The following IKZF3 variants were observed in gnomAD, a reference collection of about 807,000 sequenced individuals.
The protein encoded by IKZF3 is IKAROS family zinc finger 3, also known as zinc finger protein Aiolos.
IKZF3 carries 10 observed loss-of-function variants against 49.0 expected under a neutral mutation model. That is an observed-to-expected ratio of 0.20 (90% confidence interval 0.13 to 0.35). The LOEUF (loss-of-function observed/expected upper bound fraction) is 0.35, where lower values mean the gene tolerates loss of function less well. Ranked by LOEUF, IKZF3 falls within the 10% of genes least tolerant of loss-of-function variation. The pLI, the probability that IKZF3 is intolerant of heterozygous loss-of-function variation, is 1.00. For synonymous variants in IKZF3, 209 were observed against 228.2 expected (o/e 0.92, Z 0.76); for missense variants, 498 against 664.8 (o/e 0.75, Z 2.76).
At chr17:39,837,662 G>A (rs1052322647) in intron 1 of IKZF3, among the ~76,000 whole-genome samples, 18 of 149,364 alleles carry the variant, frequency 1.2e-4, no homozygotes, top group African/African-American at 4.0e-4. Context: ...TTTTTGAGAC[G>A]GAGTCTCACT....
Position 39,858,564 on chromosome 17 carries a change from G to A in IKZF3, c.7+5556C>T, listed in dbSNP as rs542799412. On this transcript the variant is annotated intron_variant, in intron 1 of 7. Coordinates refer to ENST00000346872, the MANE Select transcript of IKZF3 (RefSeq NM_012481.5). ...CTCACACTGTCACCCAGGCTGGAGTGCAGTGGCGCGATCTTGGCTCACTGC... is the reference window on the plus strand; with the variant it reads ...CTCACACTGTCACCCAGGCTGGAGTACAGTGGCGCGATCTTGGCTCACTGC... Among the ~76,000 whole-genome samples the A allele has an allele frequency of 7.9e-5, 12 of 152,138 alleles. No homozygotes were observed. In the South Asian group the frequency reaches 8.3e-4, roughly 11 times the overall value.
At chr17:39,847,951 G>C (rs1055536584) in intron 1 of IKZF3, among the ~76,000 whole-genome samples, 24 of 152,190 alleles carry the variant, frequency 1.6e-4, no homozygotes, top group African/African-American at 5.8e-4. Flanking sequence ...GCCAGAACTA[G>C]AAGAAATTTT....
chr17:39,818,235 T>A (rs532691270), intron 3 of IKZF3, among the ~76,000 whole-genome samples: 4 of 152,238 alleles, frequency 2.6e-5, no homozygotes, highest in Non-Finnish European at 4.4e-5. Context: ...CAGTTCATCA[T>A]TGACCCAAAC....
chr17:39,807,916 T>C (rs1485350345), intron 3 of IKZF3, among the ~76,000 whole-genome samples: 2 of 151,728 alleles, frequency 1.3e-5, no homozygotes, highest in African/African-American at 4.8e-5. Context: ...GTACAAAGGG[T>C]TTTTTAGGGT....
chr17:39,782,612 A>G (rs2060772806), intron 6 of IKZF3, among the ~76,000 whole-genome samples: 1 of 152,188 alleles, frequency 6.6e-6, no homozygotes, highest in Admixed American at 6.5e-5. Flanking sequence ...TTGCCACTTC[A>G]TATCTCAGAA....
chr17:39,830,658 T>C (rs1371550364), intron 2 of IKZF3, among the ~76,000 whole-genome samples: 1 of 152,184 alleles, frequency 6.6e-6, no homozygotes, highest in East Asian at 1.9e-4. Context: ...GCAGAAGAAA[T>C]GAACTGAAAA....
chr17:39,780,104 T>C (rs2060699885), intron 6 of IKZF3, among the ~76,000 whole-genome samples: 1 of 152,098 alleles, frequency 6.6e-6, no homozygotes, highest in African/African-American at 2.4e-5. Context: ...CTTGGGAGAC[T>C]GAGGTGGGAG....
intron 3 of IKZF3, among the ~76,000 whole-genome samples, chr17:39,828,124 T>C (rs1247344243): frequency 3.3e-5 from 5 of 152,210 alleles, no homozygotes; most frequent in Non-Finnish European, 7.3e-5. Context: ...TAATTACAAG[T>C]GCCAGAAACA....
intron 6 of IKZF3, among the ~76,000 whole-genome samples, chr17:39,787,478 C>T (rs9911634): frequency 6.6e-6 from 1 of 152,024 alleles, no homozygotes. Context: ...GTTTTAATTG[C>T]CTCTTCCCTA....
chr17:39,798,608 C>T (rs765307763), intron 3 of IKZF3, among the ~76,000 whole-genome samples: 1 of 151,706 alleles, frequency 6.6e-6, no homozygotes, highest in Non-Finnish European at 1.5e-5. Context: ...CGGGTTCATG[C>T]CATTCTCTTG....
intron 3 of IKZF3, among the ~76,000 whole-genome samples, chr17:39,802,855 C>T (rs1374126808): frequency 6.6e-6 from 1 of 151,240 alleles, no homozygotes; most frequent in African/African-American, 2.4e-5. Context: ...TCTAAACTGG[C>T]CATCAGTAAA....
At position 39,763,987 on chromosome 17, in the gene IKZF3, G is replaced by A. The variant is rs1251601392; in HGVS notation, c.*1803C>T. The A allele has an allele frequency of 6.6e-6, 1 of 152,192 alleles. No individual in the cohort carries two copies. Among genetic ancestry groups the A allele is most frequent in the Non-Finnish European group, 1.5e-5 (1 of 68,074 alleles). 9.4% of individuals were successfully genotyped at this position (152,192 alleles called of 1,614,324 possible). A position where few individuals can be genotyped will look rare whatever the true frequency, so the allele number is the denominator to read the frequency against. ...TTCTGCCTCAGCCTCCGGAGTAGCT[G>A]GGATTACAGGCATGTGCCACTACTG... On this transcript the variant is annotated 3_prime_UTR_variant, in exon 8 of 8. Transcript: ENST00000346872.
intron 6 of IKZF3, 57 bp downstream of exon 6, chr17:39,788,201 T>G (rs2060919253): frequency 9.8e-7 from 1 of 1,021,668 alleles, no homozygotes; most frequent in African/African-American, 1.6e-5. Flanking sequence ...TACTTACTAT[T>G]GTATCTCACC....
intron 3 of IKZF3, among the ~76,000 whole-genome samples, chr17:39,806,895 A>G (rs556448249): frequency 5.3e-5 from 8 of 152,322 alleles, no homozygotes; most frequent in Admixed American, 2.0e-4. Context: ...TCTCAGATGA[A>G]GTAAGCTGGA....
At chr17:39,860,215 C>T (rs750473395) in intron 1 of IKZF3, among the ~76,000 whole-genome samples, 8 of 150,368 alleles carry the variant, frequency 5.3e-5, no homozygotes, top group Admixed American at 1.3e-4. Flanking sequence ...GTAGCCTGGG[C>T]AACAGAGCAA....
At chr17:39,829,562 C>T in intron 2 of IKZF3, 74 bp from the exon 3 acceptor site, 1 of 1,008,112 alleles carries the variant, frequency 9.9e-7, no homozygotes, top group Non-Finnish European at 1.5e-6. Context: ...TAAGTAGACC[C>T]CCATTTAACT....
chr17:39,814,088 A>AGGT (rs1329086475), intron 3 of IKZF3, among the ~76,000 whole-genome samples: 1 of 152,194 alleles, frequency 6.6e-6, no homozygotes, highest in Non-Finnish European at 1.5e-5. Flanking sequence ...TAAGCACCAA[A>AGGT]GAGTTGTACA....
intron 7 of IKZF3, among the ~76,000 whole-genome samples, chr17:39,767,357 T>C (rs1186766603): frequency 6.6e-6 from 1 of 152,120 alleles, no homozygotes; most frequent in African/African-American, 2.4e-5. Flanking sequence ...GTGGGTGTTG[T>C]GTGTTAGAAA....
intron 1 of IKZF3, among the ~76,000 whole-genome samples, chr17:39,842,061 C>CAAAAAAAAA (rs1568050273): frequency 6.9e-5 from 1 of 14,404 alleles, no homozygotes; most frequent in Non-Finnish European, 1.6e-4. Context: ...AAAAAAAAAC[C>CAAAAAAAAA]AGATAAAATA....
Sources: allele counts gnomAD v4.1 joint callset (sites outside exome capture counted in the v4.1 genomes callset), GRCh38; gene constraint gnomAD v4.1.1; transcripts MANE v1.5; gene names NCBI Gene and HGNC (gene_info 2026-07-23, HGNC 2026-07-21).